Variants in AGBL2 observed in about 807,000 individuals in gnomAD.
The protein encoded by AGBL2 is AGBL carboxypeptidase 2, also known as cytosolic carboxypeptidase 2.
AGBL2 carries 87 observed loss-of-function variants against 103.0 expected under a neutral mutation model. The ratio of observed to expected loss-of-function variants is 0.84; its 90% CI spans 0.71 to 1.01. AGBL2 has a LOEUF of 1.01. Among genes scored for constraint, AGBL2 ranks in the 50% least tolerant of loss-of-function variants. The pLI is 0.00. For synonymous variants in AGBL2, 335 were observed against 356.7 expected, an observed-to-expected ratio of 0.94 and a Z score of 0.69; for missense variants, 904 against 1,023.5, an observed-to-expected ratio of 0.88 and a Z score of 1.59.
intron 13 of AGBL2, among the ~76,000 whole-genome samples, chr11:47,678,164 A>G (rs1248784400): frequency 6.6e-6 from 1 of 150,716 alleles, no homozygotes; most frequent in East Asian, 2.0e-4. Flanking sequence ...GGGTTTCACC[A>G]CGTTGGCCAG....
chr11:47,692,215 C>T lies in AGBL2; in HGVS notation c.736G>A (p.Gly246Ser). Reference protein sequence around the residue: ...GSYFTSSRVGGKRGIVKELAV... With the variant: ...GSYFTSSRVGSKRGIVKELAV... ...AGTTCCTTGACAATTCCTCGTTTGC[C>T]TCCCACTCTGGAACTGGTAAAATAG... The change falls in exon 9 of 19, where the codon GGC (glycine) becomes AGC (serine). Residue 246 changes from glycine (G) to serine (S), a missense_variant. Physicochemically the swap from Gly to Ser is moderately conservative, Grantham distance 56. Coordinates refer to ENST00000525123, the MANE Select transcript of AGBL2 (RefSeq NM_024783.4). The T allele has an allele frequency of 6.2e-7, 1 of 1,613,710 alleles. No individual in the cohort carries two copies. The highest frequency in any genetic ancestry group is 8.5e-7 in the Non-Finnish European group (1 of 1,179,866).
chr11:47,678,560 T>C (rs1014143727), intron 13 of AGBL2, among the ~76,000 whole-genome samples: 5 of 150,858 alleles, frequency 3.3e-5, no homozygotes, highest in African/African-American at 1.2e-4. Flanking sequence ...GGTCTCGAAC[T>C]CCTGACCTTG....
chr11:47,691,731 T>TATAA (rs2097447863), intron 9 of AGBL2, among the ~76,000 whole-genome samples: 1 of 14,146 alleles, frequency 7.1e-5, no homozygotes, highest in African/African-American at 2.2e-4. Flanking sequence ...AAAAAAAAAA[T>TATAA]ATATATATAT....
chr11:47,665,128 A>T (rs557185598), intron 17 of AGBL2, among the ~76,000 whole-genome samples: 139 of 151,108 alleles, frequency 9.2e-4, no homozygotes, highest in Non-Finnish European at 1.7e-3. Context: ...GCTCACTGCA[A>T]CCTCTGCCTC....
rs145954144 is a variant in AGBL2, at chr11:47,661,673, G to A, written c.2536-1327C>T. On this transcript the variant is annotated intron_variant, in intron 18 of 18. Transcript: ENST00000525123. ...CATAATCCACTGATTCTCAACCTGT[G>A]TTTTACCCAGACTCATGTGAACAAC... Among the ~76,000 whole-genome samples, 925 of 151,882 alleles carry A rather than the reference G, an allele frequency of 6.1e-3. 7 individuals are homozygous for A. The highest frequency in any genetic ancestry group is 0.01 in the Middle Eastern group (3 of 292).
chr11:47,706,527 A>G (rs929755516), intron 4 of AGBL2, among the ~76,000 whole-genome samples: 1 of 151,976 alleles, frequency 6.6e-6, no homozygotes, highest in Admixed American at 6.6e-5. Flanking sequence ...AAAAAAAAAT[A>G]AATAAAAATA....
chr11:47,714,537 T>A, intron 2 of AGBL2, 81 bp downstream of exon 2: 1 of 1,472,536 alleles, frequency 6.8e-7, no homozygotes, highest in South Asian at 1.1e-5. Context: ...CCTTCTCATC[T>A]AGTAGCAGAT....
At chr11:47,691,181 T>G (rs1259302467) in intron 9 of AGBL2, among the ~76,000 whole-genome samples, 1 of 151,420 alleles carries the variant, frequency 6.6e-6, no homozygotes, top group African/African-American at 2.4e-5. Flanking sequence ...AGAGAATCAC[T>G]TGAACCCACG....
At chr11:47,707,801 G>A (rs1047658874) in intron 4 of AGBL2, among the ~76,000 whole-genome samples, 5 of 152,114 alleles carry the variant, frequency 3.3e-5, no homozygotes, top group African/African-American at 1.2e-4. Context: ...ATGGTAACTT[G>A]CTATTTTGAT....
At chr11:47,697,086 A>C (rs1189990985) in intron 8 of AGBL2, among the ~76,000 whole-genome samples, 1 of 151,260 alleles carries the variant, frequency 6.6e-6, no homozygotes, top group Non-Finnish European at 1.5e-5. Flanking sequence ...ATGCCACCAC[A>C]CCCAACTAAT....
chr11:47,706,080 A>T (rs1371323607), intron 4 of AGBL2, among the ~76,000 whole-genome samples, 163 bp from the exon 5 acceptor site: 1 of 152,230 alleles, frequency 6.6e-6, no homozygotes, highest in East Asian at 1.9e-4. Context: ...AAAGGAAATA[A>T]ACATTTGAAA....
rs376536410 is a variant in AGBL2 at position 47,689,502 on chromosome 11, G to A, written c.1631+574C>T. ...GTATCTTTAGCAGAGACTGGGTTTC[G>A]CCATGTTGGCCAGGTTGGTCTTGAA... On this transcript the variant is annotated intron_variant, in intron 10 of 18. Transcript: ENST00000525123. Among the ~76,000 whole-genome samples, 26 of 151,406 alleles carry A rather than the reference G, an allele frequency of 1.7e-4. 3 individuals carry two copies. The highest frequency in any genetic ancestry group is 1.2e-3 in the Admixed American group (18 of 15,178).
intron 17 of AGBL2, among the ~76,000 whole-genome samples, chr11:47,665,060 C>CTTT (rs1208227651): frequency 6.9e-6 from 1 of 144,034 alleles, no homozygotes; most frequent in South Asian, 2.2e-4. Flanking sequence ...TTTTTTTCTT[C>CTTT]TTTTTTTTTT....
chr11:47,690,600 A>G lies in AGBL2; in HGVS notation c.1107T>C (p.Asp369=). The G allele has an allele frequency of 1.2e-6, 2 of 1,614,192 alleles. No homozygotes were observed. Among genetic ancestry groups the G allele is most frequent in the Non-Finnish European group, 1.7e-6 (2 of 1,180,038 alleles). The change falls in exon 10 of 19, where the codon GAT becomes GAC. Residue 369 remains aspartate, a synonymous_variant. Transcript: ENST00000525123. ...TGAGACAGTAGAAGGGCTGCTGCCC[A>G]TCATCCGTGTTGTTCTTGTAGTACT... is the stretch of plus-strand genomic sequence containing the variant. ...EIKYYKNNTD[D]GQQPFYCLTW... is the part of the protein sequence containing the mutation.
Position 47,714,769 on chromosome 11 carries a change from A to T in AGBL2, c.-100-19T>A. The T allele has an allele frequency of 9.3e-7, 1 of 1,070,452 alleles. No individual in the cohort carries two copies. The highest frequency in any genetic ancestry group is 1.4e-6 in the Non-Finnish European group (1 of 692,716). The allele number at this position is 1,070,452 out of a possible 1,614,324, so 66.3% of individuals were successfully genotyped here. A position where few individuals can be genotyped will look rare whatever the true frequency, so the allele number is the denominator to read the frequency against. On this transcript the variant is annotated intron_variant, in intron 1 of 18. Coordinates refer to ENST00000525123, the MANE Select transcript of AGBL2 (RefSeq NM_024783.4). ...AGAGAAGCTACAAAGCCACAAGAGG[A>T]CAAGTGAAAAAACTGCCAATACCTC...
chr11:47,662,961 C>T, intron 18 of AGBL2, 65 bp downstream of exon 18: 1 of 1,295,630 alleles, frequency 7.7e-7, no homozygotes, highest in Non-Finnish European at 1.1e-6. Flanking sequence ...TCACATAATA[C>T]ATTTGAGAAC....
chr11:47,696,212 A>G (rs545363205), intron 8 of AGBL2, among the ~76,000 whole-genome samples: 42 of 150,664 alleles, frequency 2.8e-4, no homozygotes, highest in Non-Finnish European at 5.2e-4. Flanking sequence ...AAAGATTTCA[A>G]ACAAACCTTG....
rs568088440 is a variant in AGBL2, at chr11:47,677,364, C to G, written c.2054G>C (p.Arg685Pro). The change falls in exon 14 of 19, where the codon CGA (arginine) becomes CCA (proline). Residue 685 changes from arginine (R) to proline (P), a missense_variant. Arg to Pro is a moderately radical substitution (Grantham distance 103, BLOSUM62 -2). Coordinates refer to ENST00000525123, the MANE Select transcript of AGBL2 (RefSeq NM_024783.4). ...ATGGAATTTCTTGTGGATTTCCTGT[C>G]GTAAAAGCTCCTTAAGCTCTGCTAG... The part of the protein sequence containing the change: ...QCLAELKELL[R>P]QEIHKKFHEL... 17 of 1,610,182 alleles carry G rather than the reference C, an allele frequency of 1.1e-5. No homozygotes were observed. The highest frequency in any genetic ancestry group is 1.4e-5 in the Non-Finnish European group (17 of 1,177,970).
intron 18 of AGBL2, among the ~76,000 whole-genome samples, chr11:47,661,162 CA>C (rs78578303): frequency 3.9e-4 from 58 of 147,058 alleles, no homozygotes; most frequent in East Asian, 3.4e-3. Flanking sequence ...GACCCTGTCT[CA>C]AAAAAAAAAA....
Sources: gnomAD v4.1 joint callset for allele counts (sites outside exome capture counted in the v4.1 genomes callset) on GRCh38, gnomAD v4.1.1 for gene constraint, MANE v1.5 for transcripts, NCBI Gene and HGNC (gene_info 2026-07-23, HGNC 2026-07-21) for gene names.